Variants in SEPTIN4 observed in about 807,000 individuals in gnomAD.
The protein encoded by SEPTIN4 is septin-4.
Under a neutral mutation model 107.1 loss-of-function variants are expected in SEPTIN4, and 52 were observed. The ratio of observed to expected loss-of-function variants is 0.49; its 90% CI spans 0.39 to 0.61. The LOEUF (loss-of-function observed/expected upper bound fraction) is 0.61. Ranked by LOEUF, SEPTIN4 falls within the 20% of genes least tolerant of loss-of-function variation. The probability of loss-of-function intolerance (pLI) is 0.00; values close to 1 mark genes in which losing one functional copy is unlikely to be tolerated. For synonymous variants in SEPTIN4, 417 were observed against 467.0 expected (o/e 0.89, Z 1.38); for missense variants, 1,048 against 1,243.5 (o/e 0.84, Z 2.36).
At chr17:58,534,932 A>C (rs1422796358) in intron 3 of SEPTIN4, among the ~76,000 whole-genome samples, 1 of 152,268 alleles carries the variant, frequency 6.6e-6, no homozygotes, top group Non-Finnish European at 1.5e-5. Flanking sequence ...ACAGGAAATC[A>C]GGATTTCAGA....
At chr17:58,529,407 A>C (rs923429769) in intron 3 of SEPTIN4, 32 of 1,406,710 alleles carry the variant, frequency 2.3e-5, no homozygotes, top group African/African-American at 2.9e-5. Context: ...CCCACCCTCC[A>C]AGGACAGCTC....
intron 3 of SEPTIN4, among the ~76,000 whole-genome samples, chr17:58,533,916 A>G (rs1008360872): frequency 6.6e-6 from 1 of 152,198 alleles, no homozygotes; most frequent in African/African-American, 2.4e-5. Flanking sequence ...GACAGGCCCC[A>G]GCAGAAACCC....
intron 7 of SEPTIN4, among the ~76,000 whole-genome samples, chr17:58,522,669 A>AAG (rs1555652051): frequency 6.6e-5 from 10 of 151,588 alleles, no homozygotes; most frequent in Non-Finnish European, 1.2e-4. Flanking sequence ...AAAAAAAAAA[A>AAG]AAGAAGAAGA....
At chr17:58,529,282 G>C in intron 3 of SEPTIN4, 1 of 1,592,256 alleles carries the variant, frequency 6.3e-7, no homozygotes, top group Non-Finnish European at 8.6e-7. Flanking sequence ...TTGTTGTCTG[G>C]CTTCCTGGCT....
chr17:58,525,405 C>T (rs2042737411), intron 6 of SEPTIN4: 2 of 660,948 alleles, frequency 3.0e-6, no homozygotes, highest in Middle Eastern at 4.2e-4. Flanking sequence ...GCTGTTGGCT[C>T]TGGCCCCAGC....
chr17:58,534,571 G>T (rs1362177563), intron 3 of SEPTIN4, among the ~76,000 whole-genome samples: 1 of 152,224 alleles, frequency 6.6e-6, no homozygotes, highest in Non-Finnish European at 1.5e-5. Context: ...CTCTGCTTCA[G>T]CATGGCTTAA....
chr17:58,542,928 C>T lies in SEPTIN4; in HGVS notation c.1259G>A (p.Arg420Lys). 1 of 1,614,180 alleles carries T rather than the reference C, an allele frequency of 6.2e-7. No homozygotes were observed. Among genetic ancestry groups the T allele is most frequent in the Non-Finnish European group, 8.5e-7 (1 of 1,180,030 alleles). ...PRPLPPRSLP[R>K]YGPDSSWWPL... is the part of the protein sequence containing the mutation. ...CCACCATGAGGAGTCAGGTCCGTAC[C>T]TAGGTAAGGACCGAGGAGGCAAGGG... The change falls in exon 1 of 14, where the codon AGG becomes AAG. Residue 420 changes from arginine (R) to lysine (K), a missense_variant. Around this residue, in one of 2 missense-constraint regions of SEPTIN4, gnomAD observed 787 missense variants for 871.8 expected, o/e 0.90. Coordinates refer to ENST00000672673, the MANE Select transcript of SEPTIN4 (RefSeq NM_001368771.2).
chr17:58,544,326 A>C lies in SEPTIN4; in HGVS notation c.-140T>G. On this transcript the variant is annotated 5_prime_UTR_variant, in exon 1 of 14. Coordinates refer to ENST00000672673, the MANE Select transcript of SEPTIN4 (RefSeq NM_001368771.2). ...CCACAAAAGTGGCTGTTGTTCTAAGAGTGTCTCAAATAATCCCCTTAGCTA... is the reference window on the plus strand; with the variant it reads ...CCACAAAAGTGGCTGTTGTTCTAAGCGTGTCTCAAATAATCCCCTTAGCTA... 1 of 1,196,522 alleles carries C rather than the reference A, an allele frequency of 8.4e-7. No individual in the cohort carries two copies. The highest frequency in any genetic ancestry group is 1.2e-6 in the Non-Finnish European group (1 of 861,404). The allele number at this position is 1,196,522 out of a possible 1,614,324, so 74.1% of individuals were successfully genotyped here. A position where few individuals can be genotyped will look rare whatever the true frequency, so the allele number is the denominator to read the frequency against.
Position 58,526,340 on chromosome 17 carries a change from C to G in SEPTIN4, c.1912-27G>C, listed in dbSNP as rs2042869839. On this transcript the variant is annotated intron_variant, in intron 4 of 13. Transcript: ENST00000672673. Reference sequence around the variant, plus strand: ...TAGTAGACAGGAAGGCAGAATGCATCACGGTGAGGAGCCAAAGGGGCCCCG... The same window carrying G: ...TAGTAGACAGGAAGGCAGAATGCATGACGGTGAGGAGCCAAAGGGGCCCCG... 3 of 1,510,414 alleles carry G rather than the reference C, an allele frequency of 2.0e-6. No homozygotes were observed. The Admixed American group carries it at 6.6e-5, about 33-fold the overall frequency. 93.6% of individuals were successfully genotyped at this position (1,510,414 alleles called of 1,614,324 possible).
In SEPTIN4 at chr17:58,542,793, T is replaced by G. The variant is rs1179019171; in HGVS notation, c.1394A>C (p.Asp465Ala). 2 of 1,613,864 alleles carry G rather than the reference T, an allele frequency of 1.2e-6. No homozygotes were observed. Among genetic ancestry groups the G allele is most frequent in the African/African-American group, 2.7e-5 (2 of 74,816 alleles). ...LDLLLSGFKI[D>A]SSPFCEDLKF... ...CAGATCCTCACAGAAAGGGCTAGAG[T>G]CTATTTTAAAACCGGACAATAAAAG... is the stretch of plus-strand genomic sequence containing the variant. Residue 465 changes from aspartate to alanine, a missense_variant, in exon 1 of 14, where the codon GAC (aspartate) becomes GCC (alanine). Transcript: ENST00000672673.
intron 3 of SEPTIN4, among the ~76,000 whole-genome samples, chr17:58,533,607 CCTG>C (rs2043604926): frequency 1.3e-5 from 2 of 152,022 alleles, no homozygotes; most frequent in South Asian, 4.1e-4. Context: ...GCTTGGGTTC[CCTG>C]AAAGGGAACC....
In SEPTIN4 at chr17:58,542,896, G is replaced by A. The variant is rs769580686; in HGVS notation, c.1291C>T (p.Leu431=). The A allele has an allele frequency of 6.2e-7, 1 of 1,614,220 alleles. No homozygotes were observed. Among genetic ancestry groups the A allele is most frequent in the South Asian group, 1.1e-5 (1 of 91,086 alleles). ...YGPDSSWWPL[L]NPEVETPQSQ... ...TGGGGTGTTTCAACTTCAGGATTCAGCAAGGGCCACCATGAGGAGTCAGGT... is the reference window on the plus strand; with the variant it reads ...TGGGGTGTTTCAACTTCAGGATTCAACAAGGGCCACCATGAGGAGTCAGGT... The change falls in exon 1 of 14, where the codon CTG becomes TTG. Residue 431 remains leucine, a synonymous_variant. Transcript: ENST00000672673.
chr17:58,540,793 TG>T, intron 2 of SEPTIN4, 120 bp from the exon 3 acceptor site: 1 of 1,101,022 alleles, frequency 9.1e-7, no homozygotes, highest in Non-Finnish European at 1.2e-6. Context: ...TGGGCAAACC[TG>T]GCCCAATCCC....
chr17:58,525,894 G>A (rs2042805432), intron 5 of SEPTIN4, 113 bp from the exon 6 acceptor site: 1 of 982,240 alleles, frequency 1.0e-6, no homozygotes, highest in Non-Finnish European at 1.5e-6. Context: ...ATTGGAACTA[G>A]ACTAACCAAA....
rs776014174 is a variant in SEPTIN4, at chr17:58,526,692, T to C, written c.1901A>G (p.Asp634Gly). ...GGCTGGAGGCTCTACCTCAGAGGAATCATAGGGATCAAGCTTGCCCCATGG... is the reference window on the plus strand; with the variant it reads ...GGCTGGAGGCTCTACCTCAGAGGAACCATAGGGATCAAGCTTGCCCCATGG... Reference protein sequence around the residue: ...RSPWGKLDPYDSSEDDKEYVG... With the variant: ...RSPWGKLDPYGSSEDDKEYVG... Residue 634 changes from aspartate (D) to glycine (G), a missense_variant, in exon 4 of 14, where the codon GAT (aspartate) becomes GGT (glycine). By Grantham distance (94) the Asp-to-Gly change is moderately conservative. Around this residue, in one of 2 missense-constraint regions of SEPTIN4, gnomAD observed 787 missense variants for 871.8 expected, o/e 0.90. Transcript: ENST00000672673. 3.8e-6 allele frequency: 6 copies of C among 1,572,722 alleles called. No homozygotes were observed. The highest frequency in any genetic ancestry group is 5.2e-6 in the Non-Finnish European group (6 of 1,163,862).
At position 58,521,947 on chromosome 17, in the gene SEPTIN4, G is replaced by A; in HGVS notation, c.2351+20C>T. On this transcript the variant is annotated intron_variant, in intron 8 of 13. Transcript: ENST00000672673. The surrounding 1 kb of genome is among the most constrained non-coding windows in gnomAD (Gnocchi z 6.4). ...TTGACAGCACCCGGTGGTGCCAGGA[G>A]CCTCAGGCTTGGACCATACCCATGG... The A allele has an allele frequency of 6.2e-7, 1 of 1,614,214 alleles. No individual in the cohort carries two copies.
chr17:58,527,366 G>T, intron 3 of SEPTIN4: 1 of 389,590 alleles, frequency 2.6e-6, no homozygotes, highest in South Asian at 2.1e-5. Context: ...AGGCCAGACT[G>T]ATTAAGATAG....
chr17:58,541,051 G>A (rs748431848), intron 2 of SEPTIN4, among the ~76,000 whole-genome samples: 7 of 152,168 alleles, frequency 4.6e-5, no homozygotes, highest in East Asian at 1.9e-4. Context: ...ACTCGAGTTC[G>A]TACTTTACTA....
At chr17:58,533,678 C>A (rs573141760) in intron 3 of SEPTIN4, among the ~76,000 whole-genome samples, 1 of 152,164 alleles carries the variant, frequency 6.6e-6, no homozygotes, top group East Asian at 1.9e-4. Context: ...GGATCGGAAG[C>A]TGTACTCAGG....
Sources: gnomAD v4.1 joint callset for allele counts (sites outside exome capture counted in the v4.1 genomes callset) on GRCh38, gnomAD v4.1.1 for gene constraint, gnomAD v4.1.1 regional missense constraint, Gnocchi (gnomAD v3.1) non-coding constraint, MANE v1.5 for transcripts, NCBI Gene and HGNC (gene_info 2026-07-23, HGNC 2026-07-21) for gene names.